PRICKLE2: variants seen among roughly 807,000 people sequenced by gnomAD.
PRICKLE2 encodes the protein prickle-like protein 2.
Under a neutral mutation model 81.4 loss-of-function variants are expected in PRICKLE2, and 21 were observed. The ratio of observed to expected loss-of-function variants is 0.26; its 90% CI spans 0.18 to 0.37. The LOEUF is 0.37. Ranked by LOEUF, PRICKLE2 falls within the 10% of genes least tolerant of loss-of-function variation. The pLI is 1.00. For missense variants in PRICKLE2, 940 were observed against 1,109.0 expected, an observed-to-expected ratio of 0.85 and a Z score of 2.16; for synonymous variants, 456 against 421.5, an observed-to-expected ratio of 1.08 and a Z score of -1.00.
rs146851194 is a variant in PRICKLE2 at position 64,225,180 on chromosome 3, G to C, written c.-311C>G. 3.0e-6 allele frequency: 3 copies of C among 985,300 alleles called. No homozygotes were observed. The African/African-American group carries it at 5.2e-5, about 17-fold the overall frequency. The allele number at this position is 985,300 out of a possible 1,614,324, so 61.0% of individuals were successfully genotyped here. On this transcript the variant is annotated 5_prime_UTR_variant, in exon 1 of 8. Coordinates refer to ENST00000638394, the MANE Select transcript of PRICKLE2 (RefSeq NM_198859.4). The stretch of plus-strand genomic sequence containing the variant: ...CTGCTGGGGAATTCACCAAGCAAGA[G>C]AAAAAAAGTATGACTTCTACTCTTC...
Position 64,145,196 on chromosome 3 carries a change from C to G in PRICKLE2, c.1660+1634G>C, listed in dbSNP as rs1006976929. 2.0e-5 allele frequency among the ~76,000 whole-genome samples: 3 copies of G among 146,412 alleles called. 1 individual carries two copies. The highest frequency in any genetic ancestry group is 6.7e-3 in the Middle Eastern group (2 of 300). ...CTTAGTTCAGCCTCAACTTCCTGGGCTCAAGTGATCCTCCTGCTTTAGTCT... is the reference window on the plus strand; with the variant it reads ...CTTAGTTCAGCCTCAACTTCCTGGGGTCAAGTGATCCTCCTGCTTTAGTCT... On this transcript the variant is annotated intron_variant, in intron 7 of 7. Coordinates refer to ENST00000638394, the MANE Select transcript of PRICKLE2 (RefSeq NM_198859.4).
At chr3:64,196,028 C>A (rs2078446832) in intron 2 of PRICKLE2, among the ~76,000 whole-genome samples, 3 of 152,160 alleles carry the variant, frequency 2.0e-5, no homozygotes, top group Non-Finnish European at 2.9e-5. Flanking sequence ...TCTTTCAAAA[C>A]AAATCAAAGA....
chr3:64,101,138 T>C (rs1413569208), intron 7 of PRICKLE2: 1 of 152,246 alleles, frequency 6.6e-6, no homozygotes, highest in Non-Finnish European at 1.5e-5. Flanking sequence ...TTTGTGGACT[T>C]ATGAATTTCT....
intron 1 of PRICKLE2, among the ~76,000 whole-genome samples, chr3:64,215,162 TACAAGACCCTATATA>T (rs2078852672): frequency 2.0e-5 from 3 of 152,146 alleles, no homozygotes. Context: ...AACCATAGCC[TACAAGACCCTATATA>T]ACCTGGTCTG....
At chr3:64,183,662 C>G (rs2078173044) in intron 2 of PRICKLE2, among the ~76,000 whole-genome samples, 1 of 152,156 alleles carries the variant, frequency 6.6e-6, no homozygotes, top group African/African-American at 2.4e-5. Flanking sequence ...TGAACTCTAT[C>G]ATCATCTTTC....
chr3:64,228,963 G>A (rs890767040), upstream of PRICKLE2, among the ~76,000 whole-genome samples: 2 of 152,074 alleles, frequency 1.3e-5, no homozygotes, highest in Non-Finnish European at 1.5e-5. Flanking sequence ...GGTCAAAAAC[G>A]CTTTTACTTT....
intron 5 of PRICKLE2, chr3:64,153,976 A>G (rs78968619): frequency 1.3e-5 from 2 of 154,198 alleles, no homozygotes; most frequent in African/African-American, 2.4e-5. Flanking sequence ...TTCCCCCAAT[A>G]TAGAGTTTTT....
chr3:64,095,637 AG>A lies in PRICKLE2; in HGVS notation c.*3413del, dbSNP rs2076562113. 1.3e-5 allele frequency: 2 copies of A among 152,262 alleles called. No individual in the cohort carries two copies. The highest frequency in any genetic ancestry group is 4.8e-5 in the African/African-American group (2 of 41,450). The allele number at this position is 152,262 out of a possible 1,614,324, so 9.4% of individuals were successfully genotyped here. On this transcript the variant is annotated 3_prime_UTR_variant, in exon 8 of 8. Coordinates refer to ENST00000638394, the MANE Select transcript of PRICKLE2 (RefSeq NM_198859.4). ...CCAAGAAGCAGAAAGCTGCTGCAGA[AG>A]GAAGAAAACATAATCTTGTTATAGT...
intron 2 of PRICKLE2, among the ~76,000 whole-genome samples, chr3:64,180,379 T>G (rs1008436647): frequency 6.6e-6 from 1 of 152,184 alleles, no homozygotes; most frequent in African/African-American, 2.4e-5. Flanking sequence ...TACATTCACA[T>G]AGTTGTGCAA....
rs1424575042 is a variant in PRICKLE2 at position 64,092,414 on chromosome 3, T to A, written c.*6637A>T. On this transcript the variant is annotated 3_prime_UTR_variant, in exon 8 of 8. Transcript: ENST00000638394. ...TTTGTAAACTCCTTTAAGGTAGGGATTTTTGTTTGTTTTGCACATTATTGT... is the reference window on the plus strand; with the variant it reads ...TTTGTAAACTCCTTTAAGGTAGGGAATTTTGTTTGTTTTGCACATTATTGT... The A allele has an allele frequency of 6.6e-6, 1 of 152,198 alleles. No homozygotes were observed. Among genetic ancestry groups the A allele is most frequent in the Non-Finnish European group, 1.5e-5 (1 of 68,032 alleles). The allele number at this position is 152,198 out of a possible 1,614,324, so 9.4% of individuals were successfully genotyped here.
chr3:64,215,597 T>G (rs976259756), intron 1 of PRICKLE2, among the ~76,000 whole-genome samples: 1 of 152,272 alleles, frequency 6.6e-6, no homozygotes, highest in African/African-American at 2.4e-5. Flanking sequence ...ATTTTATTTT[T>G]CATATTTATT....
intron 2 of PRICKLE2, among the ~76,000 whole-genome samples, chr3:64,177,656 T>C (rs2078050039): frequency 6.6e-6 from 1 of 152,208 alleles, no homozygotes; most frequent in African/African-American, 2.4e-5. Flanking sequence ...TTCATATAAG[T>C]GGAATCATGC....
intron 7 of PRICKLE2, among the ~76,000 whole-genome samples, chr3:64,113,690 G>C (rs1444146787): frequency 6.6e-6 from 1 of 152,082 alleles, no homozygotes. Flanking sequence ...GAGCTTTGGT[G>C]GGCATAAAGC....
At chr3:64,181,321 C>T (rs1157340351) in intron 2 of PRICKLE2, among the ~76,000 whole-genome samples, 1 of 151,948 alleles carries the variant, frequency 6.6e-6, no homozygotes, top group Non-Finnish European at 1.5e-5. Flanking sequence ...AGGCTCAGAC[C>T]CAAAAAAGCA....
chr3:64,121,429 T>C (rs2077025755), intron 7 of PRICKLE2, among the ~76,000 whole-genome samples: 1 of 152,090 alleles, frequency 6.6e-6, no homozygotes, highest in African/African-American at 2.4e-5. Context: ...TTTTGAGAAA[T>C]AGTGGTTTAC....
chr3:64,231,992 G>A (rs1446199960), intron 2 of PRICKLE2, among the ~76,000 whole-genome samples: 3 of 152,218 alleles, frequency 2.0e-5, no homozygotes, highest in African/African-American at 7.2e-5. Flanking sequence ...ATTAGGGTGT[G>A]AAGTGTGGGA....
At chr3:64,243,191 G>A (rs1241575508) in intron 2 of PRICKLE2, among the ~76,000 whole-genome samples, 1 of 152,182 alleles carries the variant, frequency 6.6e-6, no homozygotes, top group Admixed American at 6.5e-5. Context: ...GTGGACAGTA[G>A]AAAACAGAAA....
At chr3:64,120,549 C>A in intron 7 of PRICKLE2, among the ~76,000 whole-genome samples, 1 of 152,124 alleles carries the variant, frequency 6.6e-6, no homozygotes, top group Non-Finnish European at 1.5e-5. Context: ...CAGAAGCATG[C>A]AAGTCGCCCA....
chr3:64,192,103 C>T (rs1241735743), intron 2 of PRICKLE2, among the ~76,000 whole-genome samples: 1 of 152,212 alleles, frequency 6.6e-6, no homozygotes, highest in African/African-American at 2.4e-5. Context: ...TTAGGAGCAG[C>T]CGAGGGAACA....
Sources: gnomAD v4.1 joint callset for allele counts (sites outside exome capture counted in the v4.1 genomes callset) on GRCh38, gnomAD v4.1.1 for gene constraint, MANE v1.5 for transcripts, NCBI Gene and HGNC (gene_info 2026-07-23, HGNC 2026-07-21) for gene names.